The following BTBD9 variants were observed in gnomAD, a reference collection of about 807,000 sequenced individuals.
BTBD9 encodes BTB/POZ domain-containing protein 9.
In BTBD9, 49 loss-of-function variants were observed where a neutral mutation model predicts 64.3. The observed-to-expected ratio is 0.76, with a 90% CI of 0.61 to 0.97. BTBD9 has a LOEUF of 0.97. Ranked by LOEUF, BTBD9 falls within the 50% of genes least tolerant of loss-of-function variation. The pLI, the probability that BTBD9 is intolerant of heterozygous loss-of-function variation, is 0.00. For synonymous variants in BTBD9, 260 were observed against 274.7 expected, an observed-to-expected ratio of 0.95 and a Z score of 0.53; for missense variants, 598 against 762.1, an observed-to-expected ratio of 0.78 and a Z score of 2.53.
At chr6:38,363,481 G>A (rs1313324852) in intron 6 of BTBD9, among the ~76,000 whole-genome samples, 1 of 152,152 alleles carries the variant, frequency 6.6e-6, no homozygotes, top group East Asian at 1.9e-4. Context: ...CTGGAGGCTG[G>A]GGCAGAAGGA....
At chr6:38,416,919 T>C (rs964090418) in intron 6 of BTBD9, among the ~76,000 whole-genome samples, 2 of 152,124 alleles carry the variant, frequency 1.3e-5, no homozygotes, top group African/African-American at 4.8e-5. Flanking sequence ...CCCAAGGACC[T>C]CGTGGTTTTG....
chr6:38,359,821 C>T (rs772487178), intron 6 of BTBD9, among the ~76,000 whole-genome samples: 1 of 151,926 alleles, frequency 6.6e-6, no homozygotes, highest in Non-Finnish European at 1.5e-5. Flanking sequence ...GAAGGTTAAG[C>T]TTTGGGGGTT....
chr6:38,421,920 T>A (rs1310567683), intron 6 of BTBD9, among the ~76,000 whole-genome samples: 1 of 152,184 alleles, frequency 6.6e-6, no homozygotes, highest in East Asian at 1.9e-4. Context: ...AAAGTAATGA[T>A]CAGTTACTCT....
At chr6:38,305,355 GAA>G (rs1341936918) in intron 7 of BTBD9, among the ~76,000 whole-genome samples, 1 of 152,218 alleles carries the variant, frequency 6.6e-6, no homozygotes, top group Non-Finnish European at 1.5e-5. Context: ...CCCACATGCA[GAA>G]AGTTTGGTCA....
intron 10 of BTBD9, among the ~76,000 whole-genome samples, chr6:38,191,739 G>C (rs988476348): frequency 2.0e-5 from 3 of 152,248 alleles, no homozygotes; most frequent in African/African-American, 7.2e-5. Flanking sequence ...GTGGCTGAGA[G>C]CTCATGGCAG....
In BTBD9 at chr6:38,222,417, T is replaced by C. The variant is rs560332394; in HGVS notation, c.1563-29820A>G. Among the ~76,000 whole-genome samples the C allele has an allele frequency of 4.3e-3, 647 of 151,898 alleles. 3 individuals are homozygous for C. Among genetic ancestry groups the C allele is most frequent in the African/African-American group, 0.014 (563 of 41,400 alleles). On this transcript the variant is annotated intron_variant, in intron 9 of 10. Transcript: ENST00000481247. ...CTGGGACTACAGGTGCCCGCCACCA[T>C]GCCCATCTAATTTTTGTATTTTTAG...
chr6:38,374,716 C>T (rs1765615915), intron 6 of BTBD9, among the ~76,000 whole-genome samples: 1 of 152,178 alleles, frequency 6.6e-6, no homozygotes, highest in African/African-American at 2.4e-5. Context: ...TCAGAGACAA[C>T]TAACCCTGCA....
At chr6:38,426,326 C>A (rs1267925702) in intron 6 of BTBD9, among the ~76,000 whole-genome samples, 1 of 151,998 alleles carries the variant, frequency 6.6e-6, no homozygotes, top group African/African-American at 2.4e-5. Flanking sequence ...AGCCAATCAT[C>A]TATTGCCTGA....
chr6:38,397,753 T>A (rs909199886), intron 6 of BTBD9, among the ~76,000 whole-genome samples: 2 of 152,156 alleles, frequency 1.3e-5, no homozygotes, highest in Non-Finnish European at 2.9e-5. Context: ...TAGATTGTGA[T>A]AGGTGTTATA....
At chr6:38,197,428 T>C (rs934757149) in intron 9 of BTBD9, among the ~76,000 whole-genome samples, 5 of 152,234 alleles carry the variant, frequency 3.3e-5, no homozygotes, top group Admixed American at 6.5e-5. Context: ...CACTGTCCCC[T>C]GGGTTTTATT....
At chr6:38,354,616 T>TC in intron 6 of BTBD9, among the ~76,000 whole-genome samples, 1 of 152,198 alleles carries the variant, frequency 6.6e-6, no homozygotes, top group Admixed American at 6.5e-5. Context: ...TGCATTGAAG[T>TC]CCCACCTATG....
At chr6:38,326,705 C>T (rs1032098938) in intron 7 of BTBD9, among the ~76,000 whole-genome samples, 2 of 147,768 alleles carry the variant, frequency 1.4e-5, no homozygotes, top group African/African-American at 5.0e-5. Context: ...GATGTGCTTC[C>T]AACTTTTTAT....
At chr6:38,524,148 T>C (rs576847687) in intron 6 of BTBD9, among the ~76,000 whole-genome samples, 1 of 151,840 alleles carries the variant, frequency 6.6e-6, no homozygotes, top group African/African-American at 2.4e-5. Flanking sequence ...AATTTATAAA[T>C]TAAATATAAA....
At chr6:38,556,928 G>A (rs1272517092) in intron 6 of BTBD9, among the ~76,000 whole-genome samples, 4 of 137,304 alleles carry the variant, frequency 2.9e-5, no homozygotes, top group Non-Finnish European at 6.1e-5. Context: ...CAAGAGAATC[G>A]CTAGAACCTG....
At chr6:38,449,689 G>A (rs935235560) in intron 6 of BTBD9, among the ~76,000 whole-genome samples, 6 of 152,222 alleles carry the variant, frequency 3.9e-5, no homozygotes, top group African/African-American at 9.6e-5. Flanking sequence ...AGGATTGCTT[G>A]GGCCCAGGAG....
intron 6 of BTBD9, among the ~76,000 whole-genome samples, chr6:38,470,254 A>T (rs568949732): frequency 4.7e-4 from 71 of 152,330 alleles, no homozygotes; most frequent in Non-Finnish European, 7.3e-4. Context: ...GAGGACAGAA[A>T]ATAACCAAGT....
chr6:38,342,747 C>A (rs1440535604), intron 7 of BTBD9, among the ~76,000 whole-genome samples: 6 of 152,068 alleles, frequency 3.9e-5, no homozygotes, highest in Middle Eastern at 6.3e-3. Flanking sequence ...ATACCTGTAC[C>A]CCCGTAGAGG....
At chr6:38,278,460 A>G (rs939673713) in intron 8 of BTBD9, among the ~76,000 whole-genome samples, 1 of 152,228 alleles carries the variant, frequency 6.6e-6, no homozygotes, top group Admixed American at 6.5e-5. Context: ...ATGACCACAG[A>G]AATCAAGGGT....
At chr6:38,225,104 C>T (rs1244288352) in intron 9 of BTBD9, among the ~76,000 whole-genome samples, 2 of 152,176 alleles carry the variant, frequency 1.3e-5, no homozygotes, top group Non-Finnish European at 2.9e-5. Context: ...GTGAGTGCCC[C>T]TCAAGGCAGC....
Sources: gnomAD v4.1 joint callset for allele counts (sites outside exome capture counted in the v4.1 genomes callset) on GRCh38, gnomAD v4.1.1 for gene constraint, MANE v1.5 for transcripts, NCBI Gene and HGNC (gene_info 2026-07-23, HGNC 2026-07-21) for gene names.